Variants in KCNAB1 observed in about 807,000 individuals in gnomAD.
The protein encoded by KCNAB1 is potassium voltage-gated channel subfamily A regulatory beta subunit 1.
A neutral mutation model predicts 64.6 loss-of-function variants in KCNAB1; 35 were observed. That is an observed-to-expected ratio of 0.54 (90% CI 0.41 to 0.72). The LOEUF (loss-of-function observed/expected upper bound fraction) is 0.72, where lower values mean the gene tolerates loss of function less well. Ranked by LOEUF, KCNAB1 falls within the 30% of genes least tolerant of loss-of-function variation. The pLI, the probability that KCNAB1 is intolerant of heterozygous loss-of-function variation, is 0.00. For missense variants in KCNAB1, 401 were observed against 512.9 expected (o/e 0.78, Z 2.11); for synonymous variants, 177 against 183.8 (o/e 0.96, Z 0.30).
At chr3:156,298,835 A>C (rs925778450) in intron 1 of KCNAB1, among the ~76,000 whole-genome samples, 3 of 152,230 alleles carry the variant, frequency 2.0e-5, no homozygotes, top group Non-Finnish European at 4.4e-5. Context: ...AGTTAATCAT[A>C]TTGTATGCTT....
intron 1 of KCNAB1, among the ~76,000 whole-genome samples, chr3:156,338,948 A>G (rs1209517335): frequency 1.3e-5 from 2 of 152,190 alleles, no homozygotes; most frequent in East Asian, 1.9e-4. Context: ...CAAAATTCCA[A>G]CAACACTGCT....
intron 8 of KCNAB1, among the ~76,000 whole-genome samples, chr3:156,487,906 A>G (rs1215787352): frequency 6.6e-6 from 1 of 151,560 alleles, no homozygotes; most frequent in African/African-American, 2.4e-5. Context: ...TAAAAAAAAA[A>G]TAAAAAATGG....
chr3:156,349,592 C>T (rs1237745294), intron 1 of KCNAB1, among the ~76,000 whole-genome samples: 3 of 152,174 alleles, frequency 2.0e-5, no homozygotes, highest in African/African-American at 7.2e-5. Flanking sequence ...GACAGGGTCT[C>T]ACTCTGTCAC....
chr3:156,197,187 T>C (rs1714006443), intron 1 of KCNAB1, among the ~76,000 whole-genome samples: 1 of 152,228 alleles, frequency 6.6e-6, no homozygotes, highest in African/African-American at 2.4e-5. Flanking sequence ...TTTGATATGC[T>C]GCTGGATTCG....
chr3:156,494,148 A>G (rs1170254393), intron 8 of KCNAB1, among the ~76,000 whole-genome samples: 2 of 152,034 alleles, frequency 1.3e-5, no homozygotes, highest in South Asian at 2.1e-4. Context: ...CACACTTTCA[A>G]CGTTTGCAGG....
At chr3:156,510,637 T>G (rs1207382976) in intron 8 of KCNAB1, among the ~76,000 whole-genome samples, 2 of 152,216 alleles carry the variant, frequency 1.3e-5, no homozygotes, top group Non-Finnish European at 2.9e-5. Context: ...ATTGAGTGGC[T>G]TCCAATGGCT....
At chr3:156,509,126 GCTAT>G (rs1717016746) in intron 8 of KCNAB1, among the ~76,000 whole-genome samples, 1 of 152,048 alleles carries the variant, frequency 6.6e-6, no homozygotes, top group African/African-American at 2.4e-5. Context: ...TATCATACTA[GCTAT>G]CTGTTTGCTT....
intron 1 of KCNAB1, among the ~76,000 whole-genome samples, chr3:156,204,698 T>C (rs1263496475): frequency 6.6e-6 from 1 of 152,078 alleles, no homozygotes; most frequent in Admixed American, 6.6e-5. Flanking sequence ...CTGGATGTGG[T>C]GGCACATGCC....
chr3:156,154,152 T>C (rs752389628), intron 1 of KCNAB1, among the ~76,000 whole-genome samples: 8 of 152,212 alleles, frequency 5.3e-5, no homozygotes, highest in Non-Finnish European at 1.2e-4. Flanking sequence ...GAATTCCTGT[T>C]TCCACTTAGA....
intron 1 of KCNAB1, among the ~76,000 whole-genome samples, chr3:156,272,865 G>A (rs1409722876): frequency 6.6e-6 from 1 of 152,104 alleles, no homozygotes; most frequent in Non-Finnish European, 1.5e-5. Context: ...AGCCCATGGT[G>A]TATACTACCT....
intron 1 of KCNAB1, among the ~76,000 whole-genome samples, chr3:156,122,497 A>G (rs1010083859): frequency 1.3e-5 from 2 of 152,204 alleles, no homozygotes; most frequent in African/African-American, 2.4e-5. Flanking sequence ...TTAGCAAGAA[A>G]CTTTTGGGGA....
intron 1 of KCNAB1, among the ~76,000 whole-genome samples, chr3:156,191,615 G>A (rs1016420104): frequency 4.6e-5 from 7 of 152,198 alleles, no homozygotes; most frequent in East Asian, 1.9e-4. Flanking sequence ...AAATGTGCCC[G>A]GGTTCTTACA....
At chr3:156,230,742 TAAG>T (rs1013953321) in intron 1 of KCNAB1, among the ~76,000 whole-genome samples, 3 of 152,232 alleles carry the variant, frequency 2.0e-5, no homozygotes, top group African/African-American at 7.2e-5. Context: ...TTTTTCTTAA[TAAG>T]AAGTCAGAAC....
chr3:156,451,067 T>A (rs142541870), intron 2 of KCNAB1, among the ~76,000 whole-genome samples: 1,722 of 152,322 alleles, frequency 0.011, 14 homozygotes, highest in South Asian at 0.031. Context: ...GAGGGCACAG[T>A]CCTCTGATTT....
chr3:156,498,002 TA>T (rs1258119417), intron 8 of KCNAB1, among the ~76,000 whole-genome samples: 1 of 152,164 alleles, frequency 6.6e-6, no homozygotes, highest in Non-Finnish European at 1.5e-5. Flanking sequence ...TTTGAGGCAC[TA>T]AGAAGGATAA....
At position 156,158,176 on chromosome 3, in the gene KCNAB1, TAAAA is replaced by T. The variant is rs1293018977; in HGVS notation, c.275+37293_275+37296del. 3.3e-3 allele frequency among the ~76,000 whole-genome samples: 102 copies of T among 31,348 alleles called. 5 individuals are homozygous for T. In the Middle Eastern group the frequency reaches 0.048, roughly 15 times the overall value. The allele number at this position is 31,348 out of a possible 152,430, so 20.6% of individuals were successfully genotyped here. A position where few individuals can be genotyped will look rare whatever the true frequency, so the allele number is the denominator to read the frequency against. On this transcript the variant is annotated intron_variant, in intron 1 of 13. Coordinates refer to ENST00000490337, the MANE Select transcript of KCNAB1 (RefSeq NM_172160.3). ...CGAAACTCTGTCTCAAAAAAAAAAA[TAAAA>T]AATAAATAAATAAATAAATAAATAA... is the stretch of plus-strand genomic sequence containing the variant.
chr3:156,219,200 A>T (rs1402975068), intron 1 of KCNAB1, among the ~76,000 whole-genome samples: 2 of 152,132 alleles, frequency 1.3e-5, no homozygotes, highest in South Asian at 4.1e-4. Flanking sequence ...CTTAAAAAAA[A>T]TCAAAAACAT....
intron 2 of KCNAB1, among the ~76,000 whole-genome samples, chr3:156,433,320 C>T (rs1276446815): frequency 6.6e-6 from 1 of 152,182 alleles, no homozygotes; most frequent in African/African-American, 2.4e-5. Context: ...CAGTTCAGAA[C>T]ACATGACTAG....
chr3:156,286,246 C>G (rs1720093813), intron 1 of KCNAB1, among the ~76,000 whole-genome samples: 1 of 152,190 alleles, frequency 6.6e-6, no homozygotes, highest in Non-Finnish European at 1.5e-5. Context: ...TTCAATTTCT[C>G]AGAATATAAT....
Sources: allele counts gnomAD v4.1 joint callset (sites outside exome capture counted in the v4.1 genomes callset), GRCh38; gene constraint gnomAD v4.1.1; transcripts MANE v1.5; gene names NCBI Gene and HGNC (gene_info 2026-07-23, HGNC 2026-07-21).